CSMD1: variants seen among roughly 807,000 people sequenced by gnomAD.
CSMD1 encodes CUB and sushi domain-containing protein 1.
CSMD1 carries 213 observed loss-of-function variants against 417.5 expected under a neutral mutation model. The observed-to-expected ratio is 0.51, with a 90% CI of 0.46 to 0.57. The LOEUF (loss-of-function observed/expected upper bound fraction) is 0.57. Among genes scored for constraint, CSMD1 ranks in the 20% least tolerant of loss-of-function variants. CSMD1 has a pLI of 0.00. For missense variants in CSMD1, 6,923 were observed against 4,529.7 expected, an observed-to-expected ratio of 1.53 and a Z score of -15.17; for synonymous variants, 2,862 against 1,736.8, an observed-to-expected ratio of 1.65 and a Z score of -16.11.
chr8:4,019,673 C>G (rs150326941), intron 4 of CSMD1, among the ~76,000 whole-genome samples: 1,983 of 152,226 alleles, frequency 0.013, 19 homozygotes, highest in Middle Eastern at 0.034. Flanking sequence ...TGGCAGTTGT[C>G]TGAGATAATG....
intron 12 of CSMD1, among the ~76,000 whole-genome samples, chr8:3,438,395 T>C (rs983127871): frequency 1.1e-4 from 16 of 152,160 alleles, no homozygotes; most frequent in African/African-American, 3.6e-4. Flanking sequence ...ATCCCTCCCG[T>C]TGACCCTTGA....
intron 5 of CSMD1, among the ~76,000 whole-genome samples, chr8:3,790,167 TC>T (rs1311108622): frequency 1.3e-5 from 2 of 152,366 alleles, no homozygotes; most frequent in East Asian, 3.9e-4. Context: ...TTTTATAATT[TC>T]AAATACATAA....
chr8:3,395,199 T>C (rs979528646), intron 17 of CSMD1, among the ~76,000 whole-genome samples: 1 of 152,190 alleles, frequency 6.6e-6, no homozygotes, highest in Non-Finnish European at 1.5e-5. Context: ...ATGTAAATTT[T>C]AAAAACATCT....
At chr8:4,119,689 C>T (rs1328375339) in intron 3 of CSMD1, among the ~76,000 whole-genome samples, 2 of 152,196 alleles carry the variant, frequency 1.3e-5, no homozygotes, top group African/African-American at 2.4e-5. Flanking sequence ...AGAGTCCTCC[C>T]AGAACCACAG....
intron 3 of CSMD1, among the ~76,000 whole-genome samples, chr8:4,348,406 G>A (rs1048726796): frequency 2.0e-5 from 3 of 152,050 alleles, no homozygotes; most frequent in East Asian, 3.9e-4. Flanking sequence ...TCACAGAACT[G>A]TAAGTGATTC....
At chr8:3,967,936 G>C (rs897673472) in intron 5 of CSMD1, among the ~76,000 whole-genome samples, 2 of 150,234 alleles carry the variant, frequency 1.3e-5, no homozygotes, top group African/African-American at 2.5e-5. Context: ...GGGAGGCCGA[G>C]GTGTGCGGAT....
At chr8:4,606,354 G>T (rs1339718057) in intron 2 of CSMD1, among the ~76,000 whole-genome samples, 1 of 150,534 alleles carries the variant, frequency 6.6e-6, no homozygotes, top group Non-Finnish European at 1.5e-5. Flanking sequence ...GAAACAGGGA[G>T]AGAAAAAAAA....
chr8:4,220,841 C>A (rs1585046510), intron 3 of CSMD1, among the ~76,000 whole-genome samples: 2 of 152,274 alleles, frequency 1.3e-5, no homozygotes, highest in South Asian at 4.1e-4. Context: ...GTGAGAACTA[C>A]AAGAGGAAAA....
chr8:4,457,733 T>G (rs985179840), intron 2 of CSMD1, among the ~76,000 whole-genome samples: 1 of 152,168 alleles, frequency 6.6e-6, no homozygotes, highest in Non-Finnish European at 1.5e-5. Context: ...CATGTGCTCC[T>G]CTGTATGGGA....
chr8:3,097,889 T>G (rs1815436381), intron 46 of CSMD1, among the ~76,000 whole-genome samples: 1 of 152,254 alleles, frequency 6.6e-6, no homozygotes, highest in East Asian at 1.9e-4. Context: ...GCAGGAGCCC[T>G]GATTCCTAAG....
At chr8:4,673,139 A>C (rs1805435159) in intron 1 of CSMD1, among the ~76,000 whole-genome samples, 1 of 152,204 alleles carries the variant, frequency 6.6e-6, no homozygotes. Flanking sequence ...AACTGAGGAC[A>C]TTGAGGGGAA....
At chr8:4,516,803 G>A (rs948427240) in intron 2 of CSMD1, among the ~76,000 whole-genome samples, 5 of 152,044 alleles carry the variant, frequency 3.3e-5, no homozygotes, top group Non-Finnish European at 5.9e-5. Context: ...AACCCAGGAG[G>A]TATTTATTAA....
chr8:3,591,545 A>G (rs1265498377), intron 8 of CSMD1, among the ~76,000 whole-genome samples: 1 of 152,192 alleles, frequency 6.6e-6, no homozygotes, highest in Non-Finnish European at 1.5e-5. Flanking sequence ...AAAACAGGAA[A>G]TGGGTTGACT....
At chr8:4,421,223 C>T (rs1159395712) in intron 2 of CSMD1, among the ~76,000 whole-genome samples, 1 of 152,106 alleles carries the variant, frequency 6.6e-6, no homozygotes, top group East Asian at 1.9e-4. Flanking sequence ...GTCAGTGAAG[C>T]AAACGTTGCT....
chr8:4,156,012 C>A (rs548377785), intron 3 of CSMD1, among the ~76,000 whole-genome samples: 40 of 152,266 alleles, frequency 2.6e-4, no homozygotes, highest in South Asian at 1.7e-3. Context: ...AATGGAGTCA[C>A]AGACCCAGTG....
chr8:4,492,983 C>T (rs906840746), intron 2 of CSMD1, among the ~76,000 whole-genome samples: 2 of 152,112 alleles, frequency 1.3e-5, no homozygotes, highest in Admixed American at 6.5e-5. Flanking sequence ...GTCTCAACAC[C>T]CAATTCCGAT....
At chr8:3,302,077 A>T (rs905697095) in intron 25 of CSMD1, among the ~76,000 whole-genome samples, 1 of 152,198 alleles carries the variant, frequency 6.6e-6, no homozygotes, top group African/African-American at 2.4e-5. Context: ...ACAGCAGAGC[A>T]TAACACTGAA....
chr8:4,686,782 G>T (rs529665586), intron 1 of CSMD1, among the ~76,000 whole-genome samples: 1 of 152,156 alleles, frequency 6.6e-6, no homozygotes, highest in Non-Finnish European at 1.5e-5. Flanking sequence ...CTTCTCCTTC[G>T]CTTCAGAGAC....
In CSMD1 at chr8:4,519,932, TGTGC is replaced by T. The variant is rs992629349; in HGVS notation, c.303-99871_303-99868del. On this transcript the variant is annotated intron_variant, in intron 2 of 69. Transcript: ENST00000635120. ...TCTTACATTATGTAGTGTGTGTGTG[TGTGC>T]GTGTGTGTGTGTGTGTGTGTGGTGT... Among the ~76,000 whole-genome samples the T allele has an allele frequency of 2.4e-4, 13 of 55,188 alleles. No homozygotes were observed. In the South Asian group the frequency reaches 0.012, roughly 49 times the overall value. 36.2% of individuals were successfully genotyped at this position (55,188 alleles called of 152,430 possible).
Sources: gnomAD v4.1 joint callset for allele counts (sites outside exome capture counted in the v4.1 genomes callset) on GRCh38, gnomAD v4.1.1 for gene constraint, MANE v1.5 for transcripts, NCBI Gene and HGNC (gene_info 2026-07-23, HGNC 2026-07-21) for gene names.